COLGALT2: variants seen among roughly 807,000 people sequenced by gnomAD.
The protein encoded by COLGALT2 is collagen beta(1-O)galactosyltransferase 2.
A neutral mutation model predicts 73.4 loss-of-function variants in COLGALT2; 49 were observed. That is an observed-to-expected ratio of 0.67 (90% CI 0.53 to 0.85). COLGALT2 has a LOEUF of 0.85. Among genes scored for constraint, COLGALT2 ranks in the 40% least tolerant of loss-of-function variants. COLGALT2 has a pLI of 0.00. For synonymous variants in COLGALT2, 295 were observed against 307.6 expected (o/e 0.96, Z 0.43); for missense variants, 722 against 790.2 (o/e 0.91, Z 1.03).
At chr1:183,983,735 G>A (rs1671415219) in intron 1 of COLGALT2, among the ~76,000 whole-genome samples, 1 of 152,218 alleles carries the variant, frequency 6.6e-6, no homozygotes, top group Admixed American at 6.5e-5. Context: ...AGGAGGAGCT[G>A]AGGCACAGTG....
chr1:184,024,143 G>A (rs982781503), intron 1 of COLGALT2, among the ~76,000 whole-genome samples: 8 of 151,904 alleles, frequency 5.3e-5, no homozygotes, highest in Admixed American at 1.3e-4. Context: ...TACATAGCAT[G>A]TGGTGGCTAG....
At chr1:184,005,618 T>C (rs963258568) in intron 1 of COLGALT2, among the ~76,000 whole-genome samples, 3 of 152,172 alleles carry the variant, frequency 2.0e-5, no homozygotes, top group African/African-American at 7.2e-5. Context: ...GCAAGCTTTC[T>C]CAGCACTCTG....
chr1:184,014,556 C>T (rs1648936651), intron 1 of COLGALT2, among the ~76,000 whole-genome samples: 1 of 152,204 alleles, frequency 6.6e-6, no homozygotes, highest in African/African-American at 2.4e-5. Context: ...CGACCATTCT[C>T]TCAAGAAGTT....
intron 1 of COLGALT2, among the ~76,000 whole-genome samples, chr1:184,021,266 A>G (rs74130998): frequency 0.033 from 5,032 of 152,256 alleles, 267 homozygotes; most frequent in African/African-American, 0.11. Context: ...CTTTTCTAAG[A>G]CATTTGAAGA....
Position 183,937,730 on chromosome 1 carries a change from C to T in COLGALT2, c.*1031G>A. On this transcript the variant is annotated 3_prime_UTR_variant, in exon 12 of 12. Coordinates refer to ENST00000361927, the MANE Select transcript of COLGALT2 (RefSeq NM_015101.4). ...TGCAACATCTGTTTCTCTGCCTTATCCTAAAGACAATATCTTCGCCCATTT... is the reference window on the plus strand; with the variant it reads ...TGCAACATCTGTTTCTCTGCCTTATTCTAAAGACAATATCTTCGCCCATTT... 1.0e-6 allele frequency: 1 copy of T among 985,422 alleles called. No individual in the cohort carries two copies. The highest frequency in any genetic ancestry group is 1.2e-6 in the Non-Finnish European group (1 of 829,930). The allele number at this position is 985,422 out of a possible 1,614,324, so 61.0% of individuals were successfully genotyped here.
chr1:183,972,413 A>G (rs1671065441), intron 4 of COLGALT2, among the ~76,000 whole-genome samples: 2 of 152,158 alleles, frequency 1.3e-5, no homozygotes, highest in South Asian at 4.1e-4. Context: ...TGGCCAACAT[A>G]TTTTGCTTAG....
chr1:184,009,955 T>G (rs183279346), intron 1 of COLGALT2, among the ~76,000 whole-genome samples: 1 of 152,322 alleles, frequency 6.6e-6, no homozygotes, highest in East Asian at 1.9e-4. Flanking sequence ...AAGTCCAGTT[T>G]CCATACACTC....
chr1:183,970,675 T>C (rs561763230), intron 4 of COLGALT2, among the ~76,000 whole-genome samples: 143 of 152,316 alleles, frequency 9.4e-4, no homozygotes, highest in African/African-American at 3.3e-3. Context: ...GCCTACCCTC[T>C]TTGAGCCTGA....
chr1:183,951,511 AC>A (rs1240571337), intron 7 of COLGALT2, among the ~76,000 whole-genome samples: 2 of 152,240 alleles, frequency 1.3e-5, no homozygotes, highest in Non-Finnish European at 2.9e-5. Flanking sequence ...GTTGCAAGAT[AC>A]AAAGTCAACG....
At chr1:184,036,870 A>T (rs867403606) in intron 1 of COLGALT2, among the ~76,000 whole-genome samples, 6 of 152,126 alleles carry the variant, frequency 3.9e-5, no homozygotes, top group South Asian at 2.1e-4. Flanking sequence ...TCTCCCCATC[A>T]GCACCCTCTG....
chr1:184,001,245 GTCT>G (rs1336465843), intron 1 of COLGALT2, among the ~76,000 whole-genome samples: 2 of 151,886 alleles, frequency 1.3e-5, no homozygotes. Context: ...TGTTTTAAAG[GTCT>G]TCTACTTTTT....
chr1:183,984,056 A>C (rs1671423111), intron 1 of COLGALT2, among the ~76,000 whole-genome samples: 1 of 152,204 alleles, frequency 6.6e-6, no homozygotes, highest in Non-Finnish European at 1.5e-5. Context: ...GAGTGGATTC[A>C]CACCTAAATC....
At chr1:183,965,651 C>T (rs551420482) in intron 5 of COLGALT2, among the ~76,000 whole-genome samples, 5 of 152,242 alleles carry the variant, frequency 3.3e-5, no homozygotes, top group Non-Finnish European at 7.4e-5. Context: ...CAGACGTCTT[C>T]GCAAATATGC....
At chr1:183,934,384 G>A (rs1027267827), downstream of COLGALT2, among the ~76,000 whole-genome samples, 2 of 152,222 alleles carry the variant, frequency 1.3e-5, no homozygotes, top group African/African-American at 4.8e-5. Context: ...TCACAGGGAA[G>A]CCCCTCATAT....
At chr1:183,961,617 G>A (rs1015748355) in intron 6 of COLGALT2, among the ~76,000 whole-genome samples, 21 of 152,156 alleles carry the variant, frequency 1.4e-4, no homozygotes, top group Admixed American at 1.2e-3. Flanking sequence ...CTGAAGTCCT[G>A]AAATCTGATT....
In COLGALT2 at chr1:183,944,306, T is replaced by C; in HGVS notation, c.1287A>G (p.Leu429=). 6.2e-7 allele frequency: 1 copy of C among 1,613,180 alleles called. No homozygotes were observed. The highest frequency in any genetic ancestry group is 8.5e-7 in the Non-Finnish European group (1 of 1,179,706). ...CGTCTTCAATTACAAGAGTCTTCTCTAGCTCTCGATCAATTACCTGCAAAA... is the reference window on the plus strand; with the variant it reads ...CGTCTTCAATTACAAGAGTCTTCTCCAGCTCTCGATCAATTACCTGCAAAA... The part of the protein sequence containing the change: ...SVWKEVIDRE[L]EKTLVIEDDV... Residue 429 remains leucine (L), a synonymous_variant, in exon 10 of 12, where the codon CTA becomes CTG. Coordinates refer to ENST00000361927, the MANE Select transcript of COLGALT2 (RefSeq NM_015101.4).
chr1:184,007,912 A>T (rs1015130686), intron 1 of COLGALT2, among the ~76,000 whole-genome samples: 4 of 152,376 alleles, frequency 2.6e-5, no homozygotes, highest in Non-Finnish European at 5.9e-5. Context: ...TTTATTAAAC[A>T]AATATTCATC....
At chr1:183,996,423 C>A (rs6660832) in intron 1 of COLGALT2, among the ~76,000 whole-genome samples, 62,881 of 152,104 alleles carry the variant, frequency 0.41, 16,459 homozygotes, top group African/African-American at 0.73. Flanking sequence ...ACATCTAAAA[C>A]TCAGGACTGA....
In COLGALT2 at chr1:183,978,454, C is replaced by A. The variant is rs746512085; in HGVS notation, c.330G>T (p.Gln110His). 6.2e-7 allele frequency: 1 copy of A among 1,612,804 alleles called. No homozygotes were observed. The highest frequency in any genetic ancestry group is 1.1e-5 in the South Asian group (1 of 91,022). ...TCCACTCCACATAGTGATAGAGTCT[C>A]TGTACATTTTTCAACCACTCCCTGA... ...EIFREWLKNV[Q>H]RLYHYVEWRP... The change falls in exon 2 of 12, where the codon CAG becomes CAT. Residue 110 changes from glutamine (Q) to histidine (H), a missense_variant. Transcript: ENST00000361927.
Sources: allele counts gnomAD v4.1 joint callset (sites outside exome capture counted in the v4.1 genomes callset), GRCh38; gene constraint gnomAD v4.1.1; transcripts MANE v1.5; gene names NCBI Gene and HGNC (gene_info 2026-07-23, HGNC 2026-07-21).